Variants in VWA8 observed in about 807,000 individuals in gnomAD.
VWA8 encodes von Willebrand factor A domain containing 8.
Under a neutral mutation model 241.5 loss-of-function variants are expected in VWA8, and 221 were observed. The ratio of observed to expected loss-of-function variants is 0.91; its 90% confidence interval spans 0.82 to 1.02. The LOEUF is 1.02. Ranked by LOEUF, VWA8 falls within the 50% of genes least tolerant of loss-of-function variation. The pLI, the probability that VWA8 is intolerant of heterozygous loss-of-function variation, is 0.00. For synonymous variants in VWA8, 852 were observed against 827.1 expected (o/e 1.03, Z -0.52); for missense variants, 2,322 against 2,328.7 (o/e 1.00, Z 0.06).
intron 34 of VWA8, among the ~76,000 whole-genome samples, chr13:41,687,093 C>T (rs913011527): frequency 1.1e-4 from 16 of 152,044 alleles, no homozygotes; most frequent in East Asian, 3.9e-4. Context: ...ACTCTAGATA[C>T]CAGTTTTTGT....
chr13:41,783,735 A>C, intron 19 of VWA8, 60 bp downstream of exon 19: 2 of 1,154,224 alleles, frequency 1.7e-6, no homozygotes, highest in South Asian at 2.8e-5. Flanking sequence ...TTTCACTTGA[A>C]TTGGAGTGTA....
intron 2 of VWA8, among the ~76,000 whole-genome samples, chr13:41,935,666 A>G (rs1003613941): frequency 1.3e-4 from 20 of 152,076 alleles, no homozygotes; most frequent in Non-Finnish European, 8.8e-5. Flanking sequence ...CCCTACAAGG[A>G]AGTCAAAGTT....
chr13:41,900,272 T>C (rs1875362529), intron 4 of VWA8, among the ~76,000 whole-genome samples: 1 of 152,214 alleles, frequency 6.6e-6, no homozygotes, highest in South Asian at 2.1e-4. Context: ...GAAATCTTTC[T>C]TAAAAAGGAG....
rs530708303 is a variant in VWA8 at position 41,880,725 on chromosome 13, C to T, written c.1080+2662G>A. 3.9e-4 allele frequency among the ~76,000 whole-genome samples: 59 copies of T among 152,298 alleles called. 1 individual carries two copies. The South Asian group carries it at 0.012, about 32-fold the overall frequency. The stretch of plus-strand genomic sequence containing the variant: ...TATTTCCTCATGGCCAAACATACAT[C>T]ATGAACTCTCAGCAAAAATTCCCCA... On this transcript the variant is annotated intron_variant, in intron 9 of 44. Coordinates refer to ENST00000379310, the MANE Select transcript of VWA8 (RefSeq NM_015058.2).
intron 42 of VWA8, among the ~76,000 whole-genome samples, chr13:41,576,301 G>T (rs935182819): frequency 7.2e-5 from 11 of 152,220 alleles, no homozygotes; most frequent in African/African-American, 2.7e-4. Flanking sequence ...AATGCTGTAA[G>T]AGAGTTTGCA....
At chr13:41,900,772 T>C (rs1322178279) in intron 4 of VWA8, among the ~76,000 whole-genome samples, 3 of 152,196 alleles carry the variant, frequency 2.0e-5, no homozygotes, top group Admixed American at 2.0e-4. Context: ...ATAGAGTCCA[T>C]AAAGCTTCAA....
At chr13:41,887,075 A>C (rs1359167886) in intron 6 of VWA8, 122 bp downstream of exon 6, 4 of 1,185,784 alleles carry the variant, frequency 3.4e-6, no homozygotes, top group Non-Finnish European at 4.6e-6. Context: ...CTTTATTCTC[A>C]TATCTTTCCA....
chr13:41,640,353 GCAC>G (rs2044787645), intron 37 of VWA8, among the ~76,000 whole-genome samples: 1 of 152,174 alleles, frequency 6.6e-6, no homozygotes, highest in African/African-American at 2.4e-5. Context: ...TAGCTCATAG[GCAC>G]CTCCTGGGAG....
chr13:41,860,463 C>T (rs562102650), intron 12 of VWA8, among the ~76,000 whole-genome samples: 1 of 152,220 alleles, frequency 6.6e-6, no homozygotes, highest in East Asian at 1.9e-4. Context: ...TGACCTTATT[C>T]TGTGACAGAA....
chr13:41,944,614 C>T (rs377304694), intron 2 of VWA8, among the ~76,000 whole-genome samples: 14 of 152,258 alleles, frequency 9.2e-5, no homozygotes, highest in South Asian at 6.2e-4. Context: ...TGTTTTACAA[C>T]AAACTGTCCA....
intron 37 of VWA8, among the ~76,000 whole-genome samples, chr13:41,631,576 C>T (rs73464991): frequency 0.033 from 5,084 of 152,116 alleles, 294 homozygotes; most frequent in African/African-American, 0.12. Context: ...ATTATAGGCT[C>T]GTAGAACTCA....
intron 35 of VWA8, among the ~76,000 whole-genome samples, chr13:41,679,617 T>A (rs2045083786): frequency 6.6e-6 from 1 of 152,032 alleles, no homozygotes; most frequent in Non-Finnish European, 1.5e-5. Flanking sequence ...TTTCTCCCCA[T>A]CTGCATTAAA....
chr13:41,912,057 G>A lies in VWA8; in HGVS notation c.353C>T (p.Ser118Phe). 6.3e-7 allele frequency: 1 copy of A among 1,597,788 alleles called. No individual in the cohort carries two copies. Among genetic ancestry groups the A allele is most frequent in the Non-Finnish European group, 8.5e-7 (1 of 1,170,346 alleles). Residue 118 changes from serine to phenylalanine, a missense_variant, in exon 3 of 45, where the codon TCT becomes TTT. By Grantham distance (155) the Ser-to-Phe change is radical. Transcript: ENST00000379310. ...GCTCACCAAGTACTGCATAGCAATA[G>A]AGCGTCGAAGAGGCCCAGGAGGTCC... is the stretch of plus-strand genomic sequence containing the variant. ...LIGPPGPLRR[S>F]IAMQYLELTK...
chr13:41,603,635 A>T (rs1297766885), intron 40 of VWA8, among the ~76,000 whole-genome samples: 1 of 152,116 alleles, frequency 6.6e-6, no homozygotes, highest in Non-Finnish European at 1.5e-5. Flanking sequence ...TGTGGCATCC[A>T]GGGCTATTCA....
At chr13:41,791,629 T>G (rs1181382846) in intron 17 of VWA8, among the ~76,000 whole-genome samples, 1 of 151,896 alleles carries the variant, frequency 6.6e-6, no homozygotes, top group East Asian at 1.9e-4. Context: ...CATTTAACAT[T>G]TTGTACAAAT....
intron 2 of VWA8, among the ~76,000 whole-genome samples, chr13:41,918,931 T>G (rs1289051901): frequency 1.3e-5 from 2 of 152,188 alleles, no homozygotes; most frequent in East Asian, 1.9e-4. Flanking sequence ...TAAAAAGATC[T>G]TTGGAAAATC....
At chr13:41,652,617 T>TA (rs1000286920) in intron 37 of VWA8, among the ~76,000 whole-genome samples, 75 of 151,070 alleles carry the variant, frequency 5.0e-4, no homozygotes, top group Middle Eastern at 3.4e-3. Flanking sequence ...CCTTATTTTA[T>TA]AAAAAAAAAG....
chr13:41,748,844 A>G (rs1413961357), intron 21 of VWA8, among the ~76,000 whole-genome samples: 3 of 152,206 alleles, frequency 2.0e-5, no homozygotes, highest in Non-Finnish European at 4.4e-5. Flanking sequence ...CTTACACCAT[A>G]TACAAAAATT....
intron 12 of VWA8, among the ~76,000 whole-genome samples, chr13:41,844,327 G>T (rs979908457): frequency 1.3e-5 from 2 of 151,830 alleles, no homozygotes; most frequent in Admixed American, 6.6e-5. Context: ...GGCACTGAAG[G>T]AACATACATC....
Sources: gnomAD v4.1 joint callset for allele counts (sites outside exome capture counted in the v4.1 genomes callset) on GRCh38, gnomAD v4.1.1 for gene constraint, MANE v1.5 for transcripts, NCBI Gene and HGNC (gene_info 2026-07-23, HGNC 2026-07-21) for gene names.